Variants in ALS2 observed in about 807,000 individuals in gnomAD.
ALS2 encodes alsin Rho guanine nucleotide exchange factor ALS2, also known as alsin.
Under a neutral mutation model 203.4 loss-of-function variants are expected in ALS2, and 117 were observed. That is an observed-to-expected ratio of 0.58 (90% CI 0.50 to 0.67). The LOEUF (loss-of-function observed/expected upper bound fraction) is 0.67, where lower values mean the gene tolerates loss of function less well. Ranked by LOEUF, ALS2 falls within the 30% of genes least tolerant of loss-of-function variation. The pLI, the probability that ALS2 is intolerant of heterozygous loss-of-function variation, is 0.00. For missense variants in ALS2, 1,715 were observed against 1,989.4 expected (o/e 0.86, Z 2.62); for synonymous variants, 718 against 725.9 (o/e 0.99, Z 0.17).
intron 3 of ALS2, among the ~76,000 whole-genome samples, chr2:201,764,100 G>A (rs1429391172): frequency 2.0e-5 from 3 of 152,098 alleles, no homozygotes; most frequent in Admixed American, 6.5e-5. Flanking sequence ...AGTGGCTACA[G>A]GGAAGATATG....
intron 12 of ALS2, 98 bp downstream of exon 12, chr2:201,738,572 A>C: frequency 1.7e-6 from 2 of 1,168,812 alleles, no homozygotes; most frequent in Non-Finnish European, 2.6e-6. Flanking sequence ...TGGTAAAATG[A>C]TGAAGTCAAA....
At chr2:201,734,694 C>T (rs906557694) in intron 12 of ALS2, among the ~76,000 whole-genome samples, 1 of 152,170 alleles carries the variant, frequency 6.6e-6, no homozygotes, top group South Asian at 2.1e-4. Flanking sequence ...ACCCAGTCTA[C>T]AGTAGACCAG....
intron 4 of ALS2, chr2:201,759,419 C>A (rs1459056236): frequency 3.2e-6 from 3 of 950,360 alleles, no homozygotes; most frequent in Admixed American, 6.2e-5. Flanking sequence ...ATGTTATTTA[C>A]AAAGAATAAA....
chr2:201,753,259 C>A lies in ALS2; in HGVS notation c.1641-17G>T. The A allele has an allele frequency of 6.3e-7, 1 of 1,598,510 alleles. No homozygotes were observed. Among genetic ancestry groups the A allele is most frequent in the Non-Finnish European group, 8.6e-7 (1 of 1,165,872 alleles). On this transcript the variant is annotated splice_polypyrimidine_tract_variant and intron_variant, in intron 6 of 33. Coordinates refer to ENST00000264276, the MANE Select transcript of ALS2 (RefSeq NM_020919.4). ...GGTTGAAGCCTTAAAAAGAAACACA[C>A]AGGCACACAAAGTCAAAGTATTCTC...
At position 201,715,778 on chromosome 2, in the gene ALS2, A is replaced by G; in HGVS notation, c.3898T>C (p.Cys1300Arg). Residue 1300 changes from cysteine (C) to arginine (R), a missense_variant, in exon 25 of 34, where the codon TGT becomes CGT. This residue lies in a region of ALS2 where 1,227 missense variants were observed against 1,413.5 expected (regional missense o/e 0.87). Transcript: ENST00000264276. ...DEKWKAVFDECWRQLGCEGPG... is the reference protein window; with the variant it reads ...DEKWKAVFDERWRQLGCEGPG... ...CCCTCACAGCCCAGTTGGCGCCAAC[A>G]TTCGTCAAACACCGCTTTCCACTTC... 3.1e-6 allele frequency: 5 copies of G among 1,614,210 alleles called. No individual in the cohort carries two copies. Among genetic ancestry groups the G allele is most frequent in the Non-Finnish European group, 4.2e-6 (5 of 1,180,040 alleles).
chr2:201,747,113 C>T (rs1692714178), intron 8 of ALS2, among the ~76,000 whole-genome samples: 1 of 152,172 alleles, frequency 6.6e-6, no homozygotes, highest in African/African-American at 2.4e-5. Context: ...TTAGGACATA[C>T]CTCTGTCCTT....
At chr2:201,770,984 C>T (rs1360729339) in intron 1 of ALS2, among the ~76,000 whole-genome samples, 2 of 151,512 alleles carry the variant, frequency 1.3e-5, no homozygotes, top group Admixed American at 6.6e-5. Context: ...TTTGTTGCAG[C>T]TGCAGTAGAA....
chr2:201,767,279 G>C lies in ALS2; in HGVS notation c.125C>G (p.Thr42Ser), dbSNP rs914249317. ...CACTCCGAGGGCTGCCTGCAAAACAGTCTTTCCTCCCCAGCCTGGCAATCT... is the reference window on the plus strand; with the variant it reads ...CACTCCGAGGGCTGCCTGCAAAACACTCTTTCCTCCCCAGCCTGGCAATCT... The part of the protein sequence containing the change: ...PERLPGWGGK[T>S]VLQAALGVKH... Residue 42 changes from threonine (T) to serine (S), a missense_variant, in exon 3 of 34, where the codon ACT (threonine) becomes AGT (serine). This residue lies in a region of ALS2 where 476 missense variants were observed against 539.3 expected (regional missense o/e 0.88). Transcript: ENST00000264276. 3 of 1,614,058 alleles carry C rather than the reference G, an allele frequency of 1.9e-6. No homozygotes were observed. The highest frequency in any genetic ancestry group is 2.5e-6 in the Non-Finnish European group (3 of 1,180,026).
At chr2:201,752,002 T>C (rs1288254592) in intron 7 of ALS2, among the ~76,000 whole-genome samples, 3 of 152,194 alleles carry the variant, frequency 2.0e-5, no homozygotes, top group Non-Finnish European at 4.4e-5. Context: ...CATTGATCTG[T>C]TTAATTTTAT....
At chr2:201,742,949 T>C (rs1692378367) in intron 10 of ALS2, among the ~76,000 whole-genome samples, 1 of 151,388 alleles carries the variant, frequency 6.6e-6, no homozygotes, top group Non-Finnish European at 1.5e-5. Context: ...TGCACACCTG[T>C]AGTCCCAGCT....
chr2:201,738,730 C>A lies in ALS2; in HGVS notation c.2357G>T (p.Cys786Phe). The change falls in exon 12 of 34, where the codon TGC becomes TTC. Residue 786 changes from cysteine to phenylalanine, a missense_variant. Cys to Phe is a radical substitution (Grantham distance 205). This residue lies in a region of ALS2 where 1,227 missense variants were observed against 1,413.5 expected (regional missense o/e 0.87). Coordinates refer to ENST00000264276, the MANE Select transcript of ALS2 (RefSeq NM_020919.4). ...AACCAGGAAATTTGTAATAGATGTG[C>A]AATACCTTGAGCAGAAAAGAAAACA... ...SLFLDSYTEY[C>F]TSITNFLVMG... is the part of the protein sequence containing the mutation. 1.2e-6 allele frequency: 2 copies of A among 1,613,790 alleles called. No individual in the cohort carries two copies. The highest frequency in any genetic ancestry group is 2.2e-5 in the South Asian group (2 of 91,068).
chr2:201,731,604 T>C (rs1452472650), intron 13 of ALS2, among the ~76,000 whole-genome samples: 2 of 152,174 alleles, frequency 1.3e-5, no homozygotes, highest in Non-Finnish European at 2.9e-5. Context: ...TATTTTTATA[T>C]GGAGACATTT....
intron 12 of ALS2, among the ~76,000 whole-genome samples, chr2:201,738,131 C>T (rs1692004075): frequency 6.6e-6 from 1 of 152,062 alleles, no homozygotes; most frequent in South Asian, 2.1e-4. Flanking sequence ...GAGACCCTAT[C>T]TCTTCTATTT....
chr2:201,725,753 G>C (rs1691124455), intron 19 of ALS2, among the ~76,000 whole-genome samples: 1 of 152,186 alleles, frequency 6.6e-6, no homozygotes, highest in East Asian at 1.9e-4. Context: ...CCACCATGCG[G>C]TAAGCCCAGG....
intron 3 of ALS2, chr2:201,765,940 G>C (rs1249731652): frequency 6.0e-6 from 1 of 165,468 alleles, no homozygotes; most frequent in Non-Finnish European, 1.5e-5. Flanking sequence ...GTGTGTGCTT[G>C]GGAAAATTTA....
intron 33 of ALS2, 86 bp downstream of exon 33, chr2:201,704,035 CA>C (rs1237441360): frequency 6.7e-6 from 8 of 1,186,450 alleles, no homozygotes; most frequent in South Asian, 1.3e-5. Flanking sequence ...AACTTTTATA[CA>C]AAAAAAGTGG....
intron 8 of ALS2, among the ~76,000 whole-genome samples, chr2:201,747,505 C>T (rs1214613541): frequency 7.0e-6 from 1 of 143,474 alleles, no homozygotes; most frequent in African/African-American, 2.5e-5. Context: ...GGCTGGTGTG[C>T]AGTGGCGCAA....
chr2:201,713,118 T>C (rs1690134695), intron 25 of ALS2, among the ~76,000 whole-genome samples: 1 of 139,728 alleles, frequency 7.2e-6, no homozygotes, highest in Non-Finnish European at 1.5e-5. Flanking sequence ...CCCTCATTCT[T>C]TCTCCTTTTC....
chr2:201,738,411 G>A (rs924729408), intron 12 of ALS2: 70 of 496,622 alleles, frequency 1.4e-4, no homozygotes, highest in Non-Finnish European at 1.8e-4. Flanking sequence ...AAAGAGAGTT[G>A]TCCAAAGTCT....
Sources: allele counts gnomAD v4.1 joint callset (sites outside exome capture counted in the v4.1 genomes callset), GRCh38; gene constraint gnomAD v4.1.1; regional missense constraint gnomAD v4.1.1; transcripts MANE v1.5; gene names NCBI Gene and HGNC (gene_info 2026-07-23, HGNC 2026-07-21).